The following CDC42BPA variants were observed in gnomAD, a reference collection of about 807,000 sequenced individuals.
CDC42BPA encodes CDC42 binding protein kinase alpha, also known as serine/threonine-protein kinase MRCK alpha.
Under a neutral mutation model 223.5 loss-of-function variants are expected in CDC42BPA, and 80 were observed. The ratio of observed to expected loss-of-function variants is 0.36; its 90% confidence interval spans 0.30 to 0.43. The LOEUF (loss-of-function observed/expected upper bound fraction) is 0.43, where lower values mean the gene tolerates loss of function less well. CDC42BPA is among the 20% of genes least tolerant of loss of function. CDC42BPA has a pLI of 1.00. For missense variants in CDC42BPA, 1,743 were observed against 2,099.9 expected, an observed-to-expected ratio of 0.83 and a Z score of 3.32; for synonymous variants, 694 against 718.6, an observed-to-expected ratio of 0.97 and a Z score of 0.55.
chr1:227,112,516 G>A (rs1430769023), intron 13 of CDC42BPA, 94 bp from the exon 14 acceptor site: 2 of 1,035,664 alleles, frequency 1.9e-6, no homozygotes, highest in East Asian at 5.3e-5. Context: ...GTAACAGGAA[G>A]ATAATTCAAA....
chr1:227,164,687 CGCACACACACGT>C (rs1310459154), intron 5 of CDC42BPA, among the ~76,000 whole-genome samples: 2 of 151,760 alleles, frequency 1.3e-5, no homozygotes, highest in Non-Finnish European at 2.9e-5. Flanking sequence ...TGCGCATGAG[CGCACACACACGT>C]GCACGCACAC....
chr1:227,074,506 G>GTA (rs1679063363), intron 17 of CDC42BPA, 142 bp from the exon 18 acceptor site: 1 of 585,690 alleles, frequency 1.7e-6, no homozygotes, highest in East Asian at 3.0e-5. Flanking sequence ...GTCTACCATA[G>GTA]TATACTACCT....
At chr1:227,307,003 T>C (rs1175153669) in intron 1 of CDC42BPA, among the ~76,000 whole-genome samples, 1 of 152,186 alleles carries the variant, frequency 6.6e-6, no homozygotes, top group Non-Finnish European at 1.5e-5. Context: ...AAAATCTAAT[T>C]AGCATTGTTC....
chr1:227,059,598 G>A (rs796348488), intron 21 of CDC42BPA, among the ~76,000 whole-genome samples: 4 of 152,292 alleles, frequency 2.6e-5, no homozygotes, highest in African/African-American at 9.6e-5. Context: ...ACAGTTGTTT[G>A]GACTACGTCT....
At chr1:227,314,375 G>A (rs16847647) in intron 1 of CDC42BPA, among the ~76,000 whole-genome samples, 46,725 of 151,760 alleles carry the variant, frequency 0.31, 7,366 homozygotes, top group East Asian at 0.37. Context: ...GTGATCATTG[G>A]CTTAATCCTC....
intron 5 of CDC42BPA, among the ~76,000 whole-genome samples, chr1:227,189,747 C>CG (rs1205685888): frequency 6.6e-6 from 1 of 152,092 alleles, no homozygotes; most frequent in Non-Finnish European, 1.5e-5. Context: ...TGATAGAAGA[C>CG]AAACAACATA....
chr1:227,236,505 T>C (rs1360219471), intron 2 of CDC42BPA, among the ~76,000 whole-genome samples: 4 of 151,850 alleles, frequency 2.6e-5, no homozygotes, highest in African/African-American at 7.3e-5. Flanking sequence ...AGTGTATATA[T>C]TTTAAAAATA....
chr1:227,086,107 T>C (rs1306031399), intron 16 of CDC42BPA, among the ~76,000 whole-genome samples: 2 of 132,248 alleles, frequency 1.5e-5, no homozygotes, highest in African/African-American at 5.0e-5. Context: ...TGTATTGGAC[T>C]TCTTTCACTT....
chr1:227,227,038 C>A (rs1572486426), intron 2 of CDC42BPA, among the ~76,000 whole-genome samples: 1 of 151,922 alleles, frequency 6.6e-6, no homozygotes, highest in Non-Finnish European at 1.5e-5. Flanking sequence ...TGTACAGACT[C>A]CCAATTTTAT....
intron 25 of CDC42BPA, 61 bp downstream of exon 25, chr1:227,035,410 T>G: frequency 7.7e-7 from 1 of 1,293,188 alleles, no homozygotes; most frequent in South Asian, 1.4e-5. Context: ...TAACTGGATT[T>G]GATTTTAATT....
At chr1:227,208,304 T>C (rs1393884264) in intron 3 of CDC42BPA, among the ~76,000 whole-genome samples, 6 of 147,152 alleles carry the variant, frequency 4.1e-5, no homozygotes, top group East Asian at 2.0e-4. Context: ...ATTTTGTAGG[T>C]TGCCTGTTCA....
At chr1:227,263,299 T>C (rs1004179069) in intron 1 of CDC42BPA, among the ~76,000 whole-genome samples, 3 of 152,178 alleles carry the variant, frequency 2.0e-5, no homozygotes, top group Admixed American at 6.5e-5. Flanking sequence ...TTACATAATA[T>C]AGTAGTTTAT....
At position 227,211,188 on chromosome 1, in the gene CDC42BPA, C is replaced by T. The variant is rs931869709; in HGVS notation, c.354+1948G>A. On this transcript the variant is annotated intron_variant, in intron 3 of 36. Transcript: ENST00000366766. ...ACTAAGGTGTTGAATATAATGGACA[C>T]TGGCACATATCCCAGTGATACATGT... is the stretch of plus-strand genomic sequence containing the variant. Among the ~76,000 whole-genome samples the T allele has an allele frequency of 7.7e-4, 117 of 152,278 alleles. 1 individual carries two copies. The highest frequency in any genetic ancestry group is 1.6e-4 in the Non-Finnish European group (11 of 68,024).
chr1:227,289,667 T>C (rs1689367143), intron 1 of CDC42BPA, among the ~76,000 whole-genome samples: 1 of 152,192 alleles, frequency 6.6e-6, no homozygotes, highest in African/African-American at 2.4e-5. Flanking sequence ...ATAGGAGGTA[T>C]GCAATAAATA....
intron 5 of CDC42BPA, among the ~76,000 whole-genome samples, chr1:227,192,067 C>T (rs1669812160): frequency 6.6e-6 from 1 of 151,626 alleles, no homozygotes; most frequent in Admixed American, 6.6e-5. Context: ...GAAAAGCACA[C>T]GAATAGGCAA....
chr1:227,042,297 G>GATATAT (rs10544091), intron 23 of CDC42BPA, among the ~76,000 whole-genome samples: 1 of 147,608 alleles, frequency 6.8e-6, no homozygotes, highest in African/African-American at 2.6e-5. Flanking sequence ...ATACATATAT[G>GATATAT]ATATATATAT....
chr1:227,152,244 T>C lies in CDC42BPA; in HGVS notation c.694-4685A>G, dbSNP rs149879415. The stretch of plus-strand genomic sequence containing the variant: ...TAATGGAGATATTGCCGAATTTATC[T>C]ATTTTTTTCTTTCGTTGCCTGTAAT... On this transcript the variant is annotated intron_variant, in intron 6 of 36. Transcript: ENST00000366766. Among the ~76,000 whole-genome samples the C allele has an allele frequency of 1.3e-3, 196 of 152,322 alleles. 1 individual carries two copies. Among genetic ancestry groups the C allele is most frequent in the African/African-American group, 4.4e-3 (183 of 41,578 alleles).
chr1:227,268,696 T>G (rs1685482290), intron 1 of CDC42BPA, among the ~76,000 whole-genome samples: 1 of 143,290 alleles, frequency 7.0e-6, no homozygotes, highest in Non-Finnish European at 1.5e-5. Context: ...ACACACTTTT[T>G]TTTTTTAAAG....
At chr1:227,154,920 G>A (rs937383955) in intron 6 of CDC42BPA, among the ~76,000 whole-genome samples, 2 of 151,722 alleles carry the variant, frequency 1.3e-5, no homozygotes, top group East Asian at 3.9e-4. Context: ...AAAAATGAAG[G>A]GCCAAGAATA....
Sources: allele counts gnomAD v4.1 joint callset (sites outside exome capture counted in the v4.1 genomes callset), GRCh38; gene constraint gnomAD v4.1.1; transcripts MANE v1.5; gene names NCBI Gene and HGNC (gene_info 2026-07-23, HGNC 2026-07-21).